The following USP40 variants were observed in gnomAD, a reference collection of about 807,000 sequenced individuals.
USP40 encodes ubiquitin carboxyl-terminal hydrolase 40.
USP40 carries 143 observed loss-of-function variants against 166.2 expected under a neutral mutation model. The ratio of observed to expected loss-of-function variants is 0.86; its 90% CI spans 0.75 to 0.99. The LOEUF is 0.99. Among genes scored for constraint, USP40 ranks in the 50% least tolerant of loss-of-function variants. The probability of loss-of-function intolerance (pLI) is 0.00; values close to 1 mark genes in which losing one functional copy is unlikely to be tolerated. For synonymous variants in USP40, 498 were observed against 524.0 expected, an observed-to-expected ratio of 0.95 and a Z score of 0.68; for missense variants, 1,444 against 1,479.7, an observed-to-expected ratio of 0.98 and a Z score of 0.40.
At chr2:233,519,695 G>GTC in intron 17 of USP40, 24 bp from the exon 18 acceptor site, 1 of 1,300,252 alleles carries the variant, frequency 7.7e-7, no homozygotes, top group East Asian at 2.6e-5. Flanking sequence ...ATAAAATAAT[G>GTC]ACTAAGTTGT....
Position 233,488,301 on chromosome 2 carries a change from T to C in USP40, c.3135A>G (p.Glu1045=), listed in dbSNP as rs1398341254. ...TCTCAATTCTCCGTCCTAGTTTATA[T>C]TCCCTGATAATAAGTGAAACAAGAT... ...LLRTDRQPLR[E]YKLGRRIEIC... is the part of the protein sequence containing the mutation. Residue 1045 remains glutamate (E), a synonymous_variant, in exon 28 of 32, where the codon GAA becomes GAG. Transcript: ENST00000678225. 1.9e-6 allele frequency: 3 copies of C among 1,595,976 alleles called. No homozygotes were observed. Among genetic ancestry groups the C allele is most frequent in the South Asian group, 1.1e-5 (1 of 87,576 alleles).
intron 7 of USP40, 36 bp from the exon 8 acceptor site, chr2:233,549,265 T>A: frequency 8.3e-7 from 1 of 1,199,560 alleles, no homozygotes; most frequent in Non-Finnish European, 1.1e-6. Context: ...TGATATAGTT[T>A]TCATAAAATG....
chr2:233,489,034 T>G (rs1259554295), intron 27 of USP40, among the ~76,000 whole-genome samples: 2 of 152,170 alleles, frequency 1.3e-5, no homozygotes, highest in Non-Finnish European at 2.9e-5. Context: ...AAGTTCAAAG[T>G]TTCAGGAGGA....
At chr2:233,514,257 C>T (rs1175647735) in intron 18 of USP40, among the ~76,000 whole-genome samples, 1 of 152,100 alleles carries the variant, frequency 6.6e-6, no homozygotes. Flanking sequence ...AGGGCAGCTA[C>T]AGTGATAAAT....
intron 24 of USP40, among the ~76,000 whole-genome samples, chr2:233,494,705 A>C (rs900418624): frequency 6.6e-6 from 1 of 151,094 alleles, no homozygotes; most frequent in Non-Finnish European, 1.5e-5. Flanking sequence ...AAATAAAAAA[A>C]TGTTTAAAAA....
At chr2:233,479,745 T>C (rs1053524953) in intron 31 of USP40, among the ~76,000 whole-genome samples, 2 of 151,850 alleles carry the variant, frequency 1.3e-5, no homozygotes, top group East Asian at 1.9e-4. Context: ...CACCAGGACC[T>C]GAGGGCTGCA....
At chr2:233,505,151 T>C (rs1400873850) in intron 21 of USP40, among the ~76,000 whole-genome samples, 1 of 151,966 alleles carries the variant, frequency 6.6e-6, no homozygotes, top group East Asian at 1.9e-4. Flanking sequence ...GAGACTAAAA[T>C]AGAAACATAT....
intron 21 of USP40, among the ~76,000 whole-genome samples, chr2:233,503,944 C>CA (rs2066245518): frequency 6.6e-6 from 1 of 151,694 alleles, no homozygotes; most frequent in Non-Finnish European, 1.5e-5. Flanking sequence ...TCAAAATAGC[C>CA]AAAAACAACA....
intron 16 of USP40, among the ~76,000 whole-genome samples, chr2:233,522,288 C>A (rs2067712070): frequency 6.6e-6 from 1 of 152,170 alleles, no homozygotes; most frequent in African/African-American, 2.4e-5. Flanking sequence ...TGTTTTGGGT[C>A]CCTTCTGTCT....
Position 233,523,402 on chromosome 2 carries a change from T to C in USP40, c.1969A>G (p.Lys657Glu), listed in dbSNP as rs1306733441. ...LHLDTSSDGE[K>E]CCQVIESPHV... ...GGAGATTCTATCACCTGACAACACT[T>C]TTCTCCATCACTGCTTGTGTCTAGA... Residue 657 changes from lysine to glutamate, a missense_variant, in exon 16 of 32, where the codon AAG becomes GAG. By Grantham distance (56) the Lys-to-Glu change is moderately conservative. Transcript: ENST00000678225. 2 of 1,613,866 alleles carry C rather than the reference T, an allele frequency of 1.2e-6. No homozygotes were observed. The highest frequency in any genetic ancestry group is 8.5e-7 in the Non-Finnish European group (1 of 1,179,892).
chr2:233,481,217 C>A lies in USP40; in HGVS notation c.3585G>T (p.Leu1195=). ...TGKEKQKQRA[L]GRRKSQEALH... ...CCAGCAATTACCTTTTCCTTCTCCC[C>A]AGGGCCCGTTGTTTCTGCTTTTCTT... is the stretch of plus-strand genomic sequence containing the variant. Residue 1195 remains leucine, a synonymous_variant, in exon 31 of 32, where the codon CTG becomes CTT. Coordinates refer to ENST00000678225, the MANE Select transcript of USP40 (RefSeq NM_001365479.2). The A allele has an allele frequency of 1.2e-6, 2 of 1,606,098 alleles. No homozygotes were observed. The highest frequency in any genetic ancestry group is 1.7e-6 in the Non-Finnish European group (2 of 1,175,954).
intron 20 of USP40, 125 bp from the exon 21 acceptor site, chr2:233,510,260 T>C (rs2066712756): frequency 3.0e-6 from 2 of 668,044 alleles, no homozygotes; most frequent in Admixed American, 2.9e-5. Context: ...TCTCAATTTA[T>C]ATGAAAATAC....
chr2:233,487,706 A>G (rs2065030802), intron 28 of USP40: 1 of 224,116 alleles, frequency 4.5e-6, no homozygotes, highest in African/African-American at 2.3e-5. Flanking sequence ...TTTTGGGTGT[A>G]TCTTTATTTA....
chr2:233,526,080 T>TA (rs1427983154), intron 13 of USP40, among the ~76,000 whole-genome samples: 1 of 152,208 alleles, frequency 6.6e-6, no homozygotes, highest in Non-Finnish European at 1.5e-5. Flanking sequence ...TCTGAGAGTC[T>TA]GAGCACTGTG....
intron 13 of USP40, among the ~76,000 whole-genome samples, chr2:233,526,129 C>T (rs1284708984): frequency 6.6e-6 from 1 of 152,118 alleles, no homozygotes; most frequent in East Asian, 1.9e-4. Flanking sequence ...AAAGTCATTC[C>T]TATCTAGTCA....
Position 233,540,680 on chromosome 2 carries a change from C to T in USP40, c.1152G>A (p.Gln384=). The T allele has an allele frequency of 6.2e-7, 1 of 1,612,094 alleles. No homozygotes were observed. The highest frequency in any genetic ancestry group is 8.5e-7 in the Non-Finnish European group (1 of 1,178,722). Residue 384 remains glutamine (Q), a synonymous_variant, in exon 10 of 32, where the codon CAG becomes CAA. Coordinates refer to ENST00000678225, the MANE Select transcript of USP40 (RefSeq NM_001365479.2). ...GTATTACCTTCCGCAGTGGTCCATG[C>T]TGTTTTCTGTACTTCTTGTTCCAAG... ...GISWNKKYRK[Q]HGPLRKFLQL...
chr2:233,505,708 A>G (rs1185904379), intron 21 of USP40, among the ~76,000 whole-genome samples: 1 of 152,208 alleles, frequency 6.6e-6, no homozygotes, highest in Non-Finnish European at 1.5e-5. Flanking sequence ...AAAGCTGAGG[A>G]CCTAATGGCT....
chr2:233,525,584 A>G (rs2067963334), intron 13 of USP40, 22 bp from the exon 14 acceptor site: 3 of 1,583,344 alleles, frequency 1.9e-6, no homozygotes, highest in South Asian at 2.2e-5. Flanking sequence ...TAATGAAGGA[A>G]AAGAGAATGT....
At chr2:233,513,074 T>C (rs1048553421) in intron 18 of USP40, among the ~76,000 whole-genome samples, 2 of 152,228 alleles carry the variant, frequency 1.3e-5, no homozygotes, top group Non-Finnish European at 2.9e-5. Flanking sequence ...AGAATTAAAA[T>C]GTTTTCTGTC....
Sources: allele counts gnomAD v4.1 joint callset (sites outside exome capture counted in the v4.1 genomes callset), GRCh38; gene constraint gnomAD v4.1.1; transcripts MANE v1.5; gene names NCBI Gene and HGNC (gene_info 2026-07-23, HGNC 2026-07-21).